The following BMPR1B variants were observed in gnomAD, a reference collection of about 807,000 sequenced individuals.
BMPR1B encodes bone morphogenetic protein receptor type 1B.
In BMPR1B, 12 loss-of-function variants were observed where a neutral mutation model predicts 59.1. That is an observed-to-expected ratio of 0.20 (90% CI 0.13 to 0.33). The LOEUF (loss-of-function observed/expected upper bound fraction) is 0.33, where lower values mean the gene tolerates loss of function less well. Ranked by LOEUF, BMPR1B falls within the 10% of genes least tolerant of loss-of-function variation. The pLI is 1.00. For missense variants in BMPR1B, 550 were observed against 610.9 expected (o/e 0.90, Z 1.05); for synonymous variants, 237 against 207.3 (o/e 1.14, Z -1.23).
At chr4:95,029,027 G>A (rs1230080943) in intron 3 of BMPR1B, among the ~76,000 whole-genome samples, 1 of 151,352 alleles carries the variant, frequency 6.6e-6, no homozygotes, top group African/African-American at 2.4e-5. Flanking sequence ...TCTGTGTCTC[G>A]CCACTAGCCT....
At chr4:94,815,722 A>G (rs1281351750) in intron 1 of BMPR1B, among the ~76,000 whole-genome samples, 2 of 152,216 alleles carry the variant, frequency 1.3e-5, no homozygotes, top group Non-Finnish European at 2.9e-5. Context: ...CCTGATCTGC[A>G]AAGTGTGATT....
chr4:95,064,719 G>A (rs970386512), intron 3 of BMPR1B, among the ~76,000 whole-genome samples: 7 of 152,096 alleles, frequency 4.6e-5, no homozygotes, highest in Non-Finnish European at 7.3e-5. Flanking sequence ...GAAAATGGAC[G>A]AGGATCTCAG....
chr4:94,942,220 A>G (rs1047178468), intron 2 of BMPR1B, among the ~76,000 whole-genome samples: 6 of 152,234 alleles, frequency 3.9e-5, no homozygotes, highest in Admixed American at 1.3e-4. Context: ...GCCCTGCTGC[A>G]TGAGGATTCA....
chr4:95,024,964 G>A (rs999126273), intron 3 of BMPR1B, among the ~76,000 whole-genome samples: 34 of 152,124 alleles, frequency 2.2e-4, no homozygotes, highest in Non-Finnish European at 3.1e-4. Flanking sequence ...AGCTGGGCGT[G>A]GTGGTGCGTG....
chr4:95,147,123 G>T (rs1734707992), intron 10 of BMPR1B, among the ~76,000 whole-genome samples: 1 of 151,812 alleles, frequency 6.6e-6, no homozygotes, highest in Non-Finnish European at 1.5e-5. Context: ...AAGAAAACAG[G>T]CTAGTTATTA....
At chr4:94,865,849 C>T (rs777503162) in intron 1 of BMPR1B, among the ~76,000 whole-genome samples, 15 of 151,078 alleles carry the variant, frequency 9.9e-5, no homozygotes, top group Admixed American at 2.0e-4. Context: ...ATTTTTTTTT[C>T]GAGATGATGG....
At chr4:94,992,275 A>T (rs1197518353) in intron 2 of BMPR1B, among the ~76,000 whole-genome samples, 2 of 152,228 alleles carry the variant, frequency 1.3e-5, no homozygotes, top group African/African-American at 4.8e-5. Context: ...TCAATATTAA[A>T]ATTCAAGCAG....
intron 3 of BMPR1B, among the ~76,000 whole-genome samples, chr4:95,095,919 T>G (rs1355152651): frequency 6.6e-6 from 1 of 151,782 alleles, no homozygotes; most frequent in African/African-American, 2.4e-5. Context: ...TTACTAAAAC[T>G]AAATACAGTT....
intron 1 of BMPR1B, among the ~76,000 whole-genome samples, chr4:94,759,356 G>A (rs1329722138): frequency 6.6e-6 from 1 of 152,212 alleles, no homozygotes; most frequent in Admixed American, 6.5e-5. Flanking sequence ...CCTGAGAAAA[G>A]GTTCTTGAGT....
At chr4:95,147,570 CA>C (rs377535173) in intron 10 of BMPR1B, among the ~76,000 whole-genome samples, 1,824 of 142,906 alleles carry the variant, frequency 0.013, 29 homozygotes, top group African/African-American at 0.04. Context: ...AAAGCAAAAG[CA>C]AAAAAAAAAA....
At chr4:95,114,870 A>G in intron 5 of BMPR1B, 48 bp downstream of exon 5, 1 of 1,506,820 alleles carries the variant, frequency 6.6e-7, no homozygotes. Context: ...CTAGATTTCC[A>G]ACAAGTTTCA....
intron 1 of BMPR1B, among the ~76,000 whole-genome samples, chr4:94,809,076 G>A (rs547205503): frequency 6.6e-6 from 1 of 152,136 alleles, no homozygotes; most frequent in South Asian, 2.1e-4. Flanking sequence ...AATAATAATT[G>A]TACAGTTCTT....
intron 3 of BMPR1B, among the ~76,000 whole-genome samples, chr4:95,067,036 A>T (rs942862636): frequency 6.6e-6 from 1 of 152,218 alleles, no homozygotes. Context: ...TAATCCATGC[A>T]TCTCTGAAGG....
At chr4:95,130,123 C>T (rs2149300041) in intron 9 of BMPR1B, 69 bp downstream of exon 9, 1 of 1,518,048 alleles carries the variant, frequency 6.6e-7, no homozygotes. Flanking sequence ...TTAACATCTG[C>T]ATGTTAACTC....
At chr4:94,871,852 A>G (rs951899616) in intron 1 of BMPR1B, among the ~76,000 whole-genome samples, 2 of 152,190 alleles carry the variant, frequency 1.3e-5, no homozygotes, top group Admixed American at 6.5e-5. Context: ...GTTTGTATGC[A>G]TTGCTGAAAT....
chr4:95,099,710 G>A (rs1008542997), intron 3 of BMPR1B, among the ~76,000 whole-genome samples: 4 of 152,010 alleles, frequency 2.6e-5, no homozygotes, highest in South Asian at 2.1e-4. Flanking sequence ...TCTCCTTTCC[G>A]CGTAGCAACT....
chr4:94,992,000 C>T (rs913277574), intron 2 of BMPR1B, among the ~76,000 whole-genome samples: 3 of 152,138 alleles, frequency 2.0e-5, no homozygotes, highest in African/African-American at 7.2e-5. Flanking sequence ...ACACAGATAT[C>T]TAAAGTTCAT....
intron 3 of BMPR1B, among the ~76,000 whole-genome samples, chr4:95,070,910 A>T (rs563820463): frequency 2.6e-5 from 4 of 152,108 alleles, no homozygotes; most frequent in Non-Finnish European, 4.4e-5. Flanking sequence ...CTAGCCTCAA[A>T]CTCTTTATTT....
intron 1 of BMPR1B, among the ~76,000 whole-genome samples, chr4:94,870,207 G>C (rs1275673815): frequency 6.6e-6 from 1 of 152,130 alleles, no homozygotes; most frequent in African/African-American, 2.4e-5. Context: ...TGCCGTATTT[G>C]GGCTTGTTTT....
Sources: gnomAD v4.1 joint callset for allele counts (sites outside exome capture counted in the v4.1 genomes callset) on GRCh38, gnomAD v4.1.1 for gene constraint, MANE v1.5 for transcripts, NCBI Gene and HGNC (gene_info 2026-07-23, HGNC 2026-07-21) for gene names.